The following MYO5A variants were observed in gnomAD, a reference collection of about 807,000 sequenced individuals.
MYO5A encodes the protein unconventional myosin-Va.
A neutral mutation model predicts 249.7 loss-of-function variants in MYO5A; 98 were observed. That is an observed-to-expected ratio of 0.39 (90% confidence interval 0.33 to 0.46). The LOEUF is 0.46. Ranked by LOEUF, MYO5A falls within the 20% of genes least tolerant of loss-of-function variation. The probability of loss-of-function intolerance (pLI) is 0.98; values close to 1 mark genes in which losing one functional copy is unlikely to be tolerated. For missense variants in MYO5A, 1,696 were observed against 2,308.8 expected (o/e 0.73, Z 5.44); for synonymous variants, 778 against 810.6 (o/e 0.96, Z 0.68).
At chr15:52,471,614 C>CACACACAT (rs766462519) in intron 1 of MYO5A, among the ~76,000 whole-genome samples, 5 of 151,504 alleles carry the variant, frequency 3.3e-5, no homozygotes, top group African/African-American at 1.2e-4. Flanking sequence ...CACACACACA[C>CACACACAT]ACACACCCCA....
At chr15:52,440,332 A>G (rs1199054835) in intron 1 of MYO5A, among the ~76,000 whole-genome samples, 3 of 151,750 alleles carry the variant, frequency 2.0e-5, no homozygotes, top group Admixed American at 1.3e-4. Flanking sequence ...CAGTGGCACA[A>G]TCTCTGCTCA....
At chr15:52,523,803 A>G (rs1189704473) in intron 1 of MYO5A, among the ~76,000 whole-genome samples, 1 of 152,244 alleles carries the variant, frequency 6.6e-6, no homozygotes, top group East Asian at 1.9e-4. Flanking sequence ...TGGAAAGGGC[A>G]TGACAGGAGA....
At chr15:52,330,645 T>G (rs1333415118) in intron 34 of MYO5A, 146 bp from the exon 35 acceptor site, 1 of 977,088 alleles carries the variant, frequency 1.0e-6, no homozygotes, top group Non-Finnish European at 1.5e-6. Flanking sequence ...AAAATAATTT[T>G]TTTCTGTTAA....
At position 52,468,197 on chromosome 15, in the gene MYO5A, C is replaced by T. The variant is rs143204119; in HGVS notation, c.28-34912G>A. 5.5e-3 allele frequency among the ~76,000 whole-genome samples: 838 copies of T among 151,880 alleles called. 10 individuals are homozygous for T. The highest frequency in any genetic ancestry group is 0.019 in the African/African-American group (805 of 41,438). On this transcript the variant is annotated intron_variant, in intron 1 of 41. Coordinates refer to ENST00000399233, the MANE Select transcript of MYO5A (RefSeq NM_001382347.1). ...AGACCTCATCTCTAGACAAAATTGTCCCAACTATTCGGGAGGATCACCCGA... is the reference window on the plus strand; with the variant it reads ...AGACCTCATCTCTAGACAAAATTGTTCCAACTATTCGGGAGGATCACCCGA...
At chr15:52,469,579 C>T (rs575188330) in intron 1 of MYO5A, among the ~76,000 whole-genome samples, 4 of 152,236 alleles carry the variant, frequency 2.6e-5, no homozygotes, top group Non-Finnish European at 5.9e-5. Flanking sequence ...GAAACAGGCA[C>T]ACTTAGTGTA....
intron 28 of MYO5A, among the ~76,000 whole-genome samples, chr15:52,350,256 G>T (rs1475804805): frequency 6.6e-6 from 1 of 152,118 alleles, no homozygotes; most frequent in African/African-American, 2.4e-5. Context: ...AAGTAAGAAA[G>T]CCCATTTCTC....
chr15:52,427,254 T>C (rs2075416040), intron 3 of MYO5A, among the ~76,000 whole-genome samples: 2 of 152,200 alleles, frequency 1.3e-5, no homozygotes, highest in African/African-American at 4.8e-5. Context: ...TAAAGTCATT[T>C]CTAAATGCTG....
At chr15:52,429,129 G>A (rs1239547200) in intron 2 of MYO5A, among the ~76,000 whole-genome samples, 1 of 152,146 alleles carries the variant, frequency 6.6e-6, no homozygotes, top group Admixed American at 6.5e-5. Context: ...AGAATCCCCT[G>A]AAATTACGTG....
chr15:52,475,740 G>A (rs1380054955), intron 1 of MYO5A, among the ~76,000 whole-genome samples: 1 of 152,224 alleles, frequency 6.6e-6, no homozygotes, highest in Non-Finnish European at 1.5e-5. Context: ...TGATTGCACT[G>A]TGGTCTGAGA....
At chr15:52,505,890 A>G in intron 1 of MYO5A, 1 of 1,552,730 alleles carries the variant, frequency 6.4e-7, no homozygotes, top group South Asian at 1.2e-5. Context: ...TGGCATTTAA[A>G]TAAAAGCTTG....
In MYO5A at chr15:52,416,183, C is replaced by A. The variant is rs1390327109; in HGVS notation, c.574G>T (p.Val192Leu). The change falls in exon 5 of 42, where the codon GTG (valine) becomes TTG (leucine). Residue 192 changes from valine to leucine, a missense_variant. Transcript: ENST00000399233. ...TVSGSASEAN[V>L]EEKVLASNPI... ...TTGGAGGCCAAGACCTTTTCCTCCA[C>A]ATTGGCCTCACTGGCAGAACCACTC... 1 of 1,613,972 alleles carries A rather than the reference C, an allele frequency of 6.2e-7. No homozygotes were observed. Among genetic ancestry groups the A allele is most frequent in the Non-Finnish European group, 8.5e-7 (1 of 1,179,962 alleles).
intron 33 of MYO5A, among the ~76,000 whole-genome samples, chr15:52,337,168 G>T (rs1163560179): frequency 6.6e-6 from 1 of 152,180 alleles, no homozygotes; most frequent in Admixed American, 6.5e-5. Context: ...ATAAAATCTT[G>T]CAGGTGATAT....
intron 1 of MYO5A, among the ~76,000 whole-genome samples, chr15:52,515,523 C>A (rs1199938631): frequency 1.3e-5 from 2 of 152,192 alleles, no homozygotes; most frequent in African/African-American, 4.8e-5. Context: ...AGGCATTATT[C>A]TAAGTGCTTC....
At chr15:52,471,277 T>C (rs1208669683) in intron 1 of MYO5A, among the ~76,000 whole-genome samples, 2 of 151,940 alleles carry the variant, frequency 1.3e-5, no homozygotes, top group Non-Finnish European at 2.9e-5. Context: ...TGTGGCATTA[T>C]TTTCCAGAAT....
intron 1 of MYO5A, among the ~76,000 whole-genome samples, chr15:52,515,049 G>A (rs971132871): frequency 6.6e-6 from 1 of 152,120 alleles, no homozygotes; most frequent in Non-Finnish European, 1.5e-5. Context: ...AGGCCAGGGT[G>A]GGAGGATCAC....
At chr15:52,389,445 TA>T (rs1224930435) in intron 12 of MYO5A, 82 bp from the exon 13 acceptor site, 32 of 1,380,212 alleles carry the variant, frequency 2.3e-5, no homozygotes, top group African/African-American at 1.9e-4. Context: ...AAAGATCTTT[TA>T]TTTTTTTTTT....
At chr15:52,367,911 ACAC>A (rs1197298692) in intron 22 of MYO5A, among the ~76,000 whole-genome samples, 2 of 147,340 alleles carry the variant, frequency 1.4e-5, no homozygotes, top group Admixed American at 6.9e-5. Flanking sequence ...ACACACACAC[ACAC>A]AAGTTGACTC....
At chr15:52,508,337 G>C (rs2077316398) in intron 1 of MYO5A, among the ~76,000 whole-genome samples, 1 of 148,566 alleles carries the variant, frequency 6.7e-6, no homozygotes, top group Admixed American at 6.7e-5. Context: ...CTAGTTTTAT[G>C]AAAACTTTGA....
At chr15:52,518,799 G>C (rs563574808) in intron 1 of MYO5A, among the ~76,000 whole-genome samples, 1 of 152,134 alleles carries the variant, frequency 6.6e-6, no homozygotes, top group Admixed American at 6.5e-5. Context: ...ACATAAACAT[G>C]CTCACAAACA....
Sources: gnomAD v4.1 joint callset for allele counts (sites outside exome capture counted in the v4.1 genomes callset) on GRCh38, gnomAD v4.1.1 for gene constraint, MANE v1.5 for transcripts, NCBI Gene and HGNC (gene_info 2026-07-23, HGNC 2026-07-21) for gene names.